The following KLHL32 variants were observed in gnomAD, a reference collection of about 807,000 sequenced individuals.
KLHL32 encodes the protein kelch like family member 32.
In KLHL32, 35 loss-of-function variants were observed where a neutral mutation model predicts 64.8. The observed-to-expected ratio is 0.54, with a 90% confidence interval of 0.41 to 0.72. The LOEUF is 0.72. Ranked by LOEUF, KLHL32 falls within the 30% of genes least tolerant of loss-of-function variation. The probability of loss-of-function intolerance (pLI) is 0.00; values close to 1 mark genes in which losing one functional copy is unlikely to be tolerated. For missense variants in KLHL32, 589 were observed against 768.5 expected (o/e 0.77, Z 2.76); for synonymous variants, 259 against 281.0 (o/e 0.92, Z 0.78).
intron 4 of KLHL32, among the ~76,000 whole-genome samples, chr6:97,049,099 C>T (rs1786409945): frequency 6.6e-6 from 1 of 152,164 alleles, no homozygotes; most frequent in Non-Finnish European, 1.5e-5. Context: ...TCCAAGACCC[C>T]AGTGGATGCC....
chr6:97,028,281 T>C (rs10223388), intron 3 of KLHL32, among the ~76,000 whole-genome samples: 2 of 152,108 alleles, frequency 1.3e-5, no homozygotes, highest in African/African-American at 4.8e-5. Flanking sequence ...ACACCTTAAG[T>C]AGGGAAGGGC....
the KLHL32 span, among the ~76,000 whole-genome samples, chr6:96,907,477 T>TCTGAGTGAGA: frequency 1.3e-5 from 2 of 152,200 alleles, no homozygotes; most frequent in African/African-American, 4.8e-5. Context: ...TTGGATGGGT[T>TCTGAGTGAGA]CACACTCAGA....
At chr6:97,017,078 CT>C (rs1222562896) in intron 3 of KLHL32, among the ~76,000 whole-genome samples, 1 of 151,960 alleles carries the variant, frequency 6.6e-6, no homozygotes, top group Non-Finnish European at 1.5e-5. Context: ...TGAAAATGGA[CT>C]AAATACAGGT....
At chr6:96,943,131 G>C (rs1351889644) in intron 1 of KLHL32, among the ~76,000 whole-genome samples, 1 of 149,450 alleles carries the variant, frequency 6.7e-6, no homozygotes, top group African/African-American at 2.5e-5. Context: ...CCAGCATATA[G>C]ACACATATGC....
chr6:96,947,635 G>T (rs376582170), intron 1 of KLHL32, among the ~76,000 whole-genome samples: 9 of 152,110 alleles, frequency 5.9e-5, no homozygotes, highest in Non-Finnish European at 1.2e-4. Context: ...AGATGGGAAG[G>T]TATATTGCCT....
chr6:97,054,200 T>C (rs888624653), intron 4 of KLHL32, among the ~76,000 whole-genome samples: 27 of 152,200 alleles, frequency 1.8e-4, no homozygotes, highest in African/African-American at 6.5e-4. Flanking sequence ...GGAAGTTATA[T>C]TCCATTTGAG....
intron 5 of KLHL32, among the ~76,000 whole-genome samples, chr6:97,072,556 C>A (rs2128164443): frequency 1.1e-5 from 1 of 92,630 alleles, no homozygotes; most frequent in East Asian, 3.6e-4. Context: ...AATGTGCTAT[C>A]TCTTTGGCTT....
chr6:96,914,649 T>A, the KLHL32 span: 2 of 152,344 alleles, frequency 1.3e-5, no homozygotes, highest in East Asian at 3.9e-4. Flanking sequence ...GTATCCCATG[T>A]TCCCAGCACT....
At chr6:97,034,313 G>T (rs1055467010) in intron 3 of KLHL32, among the ~76,000 whole-genome samples, 4 of 152,108 alleles carry the variant, frequency 2.6e-5, no homozygotes, top group African/African-American at 9.7e-5. Flanking sequence ...CCCTGTCAAA[G>T]ATCAGTTTAC....
At chr6:97,133,019 C>T (rs1440627498) in intron 10 of KLHL32, among the ~76,000 whole-genome samples, 1 of 152,126 alleles carries the variant, frequency 6.6e-6, no homozygotes, top group African/African-American at 2.4e-5. Flanking sequence ...ATAGCGTTCC[C>T]TTTCTCATAA....
chr6:96,899,285 T>A, the KLHL32 span, among the ~76,000 whole-genome samples: 3 of 152,322 alleles, frequency 2.0e-5, no homozygotes, highest in Admixed American at 6.5e-5. Context: ...TTTGATACTT[T>A]TAAGCATGCT....
chr6:97,034,333 A>C (rs1013842098), intron 3 of KLHL32, among the ~76,000 whole-genome samples: 1 of 152,004 alleles, frequency 6.6e-6, no homozygotes, highest in African/African-American at 2.4e-5. Flanking sequence ...CCATAGATGC[A>C]TGGATTTATT....
At chr6:96,979,881 C>T (rs13196401) in intron 3 of KLHL32, among the ~76,000 whole-genome samples, 47,159 of 151,852 alleles carry the variant, frequency 0.31, 7,896 homozygotes, top group African/African-American at 0.44. Context: ...TTTACCTCTC[C>T]GGTTGGCTGT....
In KLHL32 at chr6:97,139,270, T is replaced by G. The variant is rs1203832751; in HGVS notation, c.1851T>G (p.Ile617Met). Residue 617 changes from isoleucine to methionine, a missense_variant, in exon 11 of 11, where the codon ATT (isoleucine) becomes ATG (methionine). Transcript: ENST00000369261. ...LQTLQVPHHR[I>M]GTI Reference sequence around the variant, plus strand: ...CTCTTCAAGTGCCTCATCACAGGATTGGCACCATCTGAAAAGCCAAGCCAT... The same window carrying G: ...CTCTTCAAGTGCCTCATCACAGGATGGGCACCATCTGAAAAGCCAAGCCAT... 3 of 1,613,082 alleles carry G rather than the reference T, an allele frequency of 1.9e-6. No homozygotes were observed. The highest frequency in any genetic ancestry group is 2.5e-6 in the Non-Finnish European group (3 of 1,179,590).
At chr6:97,118,515 A>T (rs1351390763) in intron 7 of KLHL32, among the ~76,000 whole-genome samples, 1 of 149,964 alleles carries the variant, frequency 6.7e-6, no homozygotes, top group Non-Finnish European at 1.5e-5. Context: ...GCTACTTGGG[A>T]GGCTGAGACA....
intron 2 of KLHL32, among the ~76,000 whole-genome samples, chr6:96,968,677 AC>A (rs1323015354): frequency 6.6e-6 from 1 of 151,546 alleles, no homozygotes; most frequent in East Asian, 1.9e-4. Flanking sequence ...TCCCTTCCCC[AC>A]CTCTCAGACT....
chr6:97,035,619 G>GT (rs902809778), intron 3 of KLHL32, among the ~76,000 whole-genome samples: 1 of 151,958 alleles, frequency 6.6e-6, no homozygotes, highest in Non-Finnish European at 1.5e-5. Context: ...ATACTTGGCA[G>GT]TTTTTTTCTT....
At position 97,139,498 on chromosome 6, in the gene KLHL32, T is replaced by C; in HGVS notation, c.*216T>C. On this transcript the variant is annotated 3_prime_UTR_variant, in exon 11 of 11. Transcript: ENST00000369261. ...CATTCAATATGTATGACTTTTATTG[T>C]GGTATAGCTTAGTGCCAATTTAAGG... 1 of 509,150 alleles carries C rather than the reference T, an allele frequency of 2.0e-6. No homozygotes were observed. Among genetic ancestry groups the C allele is most frequent in the Non-Finnish European group, 3.5e-6 (1 of 287,634 alleles). 31.5% of individuals were successfully genotyped at this position (509,150 alleles called of 1,614,324 possible).
chr6:97,078,128 C>T (rs1487767823), intron 5 of KLHL32, among the ~76,000 whole-genome samples: 3 of 152,080 alleles, frequency 2.0e-5, no homozygotes, highest in African/African-American at 7.2e-5. Flanking sequence ...AAAATCAAAC[C>T]ATACTGATTT....
Sources: gnomAD v4.1 joint callset for allele counts (sites outside exome capture counted in the v4.1 genomes callset) on GRCh38, gnomAD v4.1.1 for gene constraint, MANE v1.5 for transcripts, NCBI Gene and HGNC (gene_info 2026-07-23, HGNC 2026-07-21) for gene names.